Variants in WDR20 observed in about 807,000 individuals in gnomAD.
The protein encoded by WDR20 is WD repeat domain 20.
In WDR20, 3 loss-of-function variants were observed where a neutral mutation model predicts 38.7. That is an observed-to-expected ratio of 0.08 (90% CI 0.04 to 0.20). WDR20 has a LOEUF of 0.20. Ranked by LOEUF, WDR20 falls within the 10% of genes least tolerant of loss-of-function variation. WDR20 has a pLI of 1.00. For missense variants in WDR20, 559 were observed against 727.7 expected (o/e 0.77, Z 2.67); for synonymous variants, 298 against 285.6 (o/e 1.04, Z -0.44).
intron 1 of WDR20, among the ~76,000 whole-genome samples, chr14:102,154,894 T>C (rs1463883034): frequency 6.6e-6 from 1 of 152,198 alleles, no homozygotes; most frequent in South Asian, 2.1e-4. Flanking sequence ...GTTCCTACTT[T>C]ATGGAAGAAG....
chr14:102,224,036 G>GTTTTT (rs1184725386), downstream of WDR20, among the ~76,000 whole-genome samples: 1 of 139,442 alleles, frequency 7.2e-6, no homozygotes, highest in Non-Finnish European at 1.6e-5. Context: ...GTTTACCTGA[G>GTTTTT]ATTTTTTTTT....
intron 1 of WDR20, among the ~76,000 whole-genome samples, chr14:102,162,913 T>G (rs1279351887): frequency 6.6e-6 from 1 of 152,122 alleles, no homozygotes; most frequent in Admixed American, 6.6e-5. Context: ...TGCCAGGCCC[T>G]TAGATAATCT....
At position 102,200,467 on chromosome 14, in the gene WDR20, T is replaced by TTGTGTGTGTG. The variant is rs71395660; in HGVS notation, c.432+5379_432+5388dup. Among the ~76,000 whole-genome samples the TTGTGTGTGTG allele has an allele frequency of 1.4e-3, 162 of 117,748 alleles. 1 individual carries two copies. The highest frequency in any genetic ancestry group is 3.9e-3 in the African/African-American group (125 of 32,128). The allele number at this position is 117,748 out of a possible 152,430, so 77.2% of individuals were successfully genotyped here. On this transcript the variant is annotated intron_variant, in intron 2 of 2. Coordinates refer to ENST00000342702, the MANE Select transcript of WDR20 (RefSeq NM_144574.4). Reference sequence around the variant, plus strand: ...GAGTTTACTTTTTAAATTTTTTTTTTTGTGTGTGTGTGTGTGTGTGTGTGT... The same window carrying TTGTGTGTGTG: ...GAGTTTACTTTTTAAATTTTTTTTTTTGTGTGTGTGTGTGTGTGTGTGTGTGTGTGTGTGT...
At chr14:102,213,940 T>A, downstream of WDR20, 1 of 985,390 alleles carries the variant, frequency 1.0e-6, no homozygotes, top group Non-Finnish European at 1.2e-6. Flanking sequence ...ACCAGTGGAT[T>A]TTCTGGGGAA....
intron 1 of WDR20, among the ~76,000 whole-genome samples, chr14:102,192,315 G>A (rs556048914): frequency 1.1e-3 from 168 of 152,148 alleles, no homozygotes; most frequent in Admixed American, 1.8e-3. Flanking sequence ...GAGTAGCTGG[G>A]ACTACAGGTG....
intron 1 of WDR20, among the ~76,000 whole-genome samples, chr14:102,172,329 C>T (rs2061013815): frequency 6.6e-6 from 1 of 150,928 alleles, no homozygotes; most frequent in South Asian, 2.1e-4. Context: ...ACACAGCAAC[C>T]ATCCGATTTC....
downstream of WDR20, chr14:102,212,611 C>T: frequency 6.5e-7 from 1 of 1,535,686 alleles, no homozygotes; most frequent in Non-Finnish European, 8.7e-7. Context: ...GAAGAGGGCA[C>T]TGGAGAGAGG....
At position 102,222,769 on chromosome 14, in the gene WDR20, G is replaced by C. The variant is rs1270566642; in HGVS notation, c.1693-61G>C. 8.8e-6 allele frequency: 14 copies of C among 1,590,958 alleles called. No homozygotes were observed. The East Asian group carries it at 2.9e-4, about 33-fold the overall frequency. On this transcript the variant is annotated intron_variant, in intron 3 of 3. Coordinates refer to the WDR20 transcript ENST00000335263. This position sits in a 1 kb window ranked among gnomAD's most constrained non-coding sequence, Gnocchi z 4.4. ...ACGTGGAGCTGCTGGCGGAGGGCGC[G>C]CATGGTGGCTGTTGCCCGTCCGGTG... is the stretch of plus-strand genomic sequence containing the variant.
chr14:102,176,593 T>C (rs1405963658), intron 1 of WDR20, among the ~76,000 whole-genome samples: 1 of 152,156 alleles, frequency 6.6e-6, no homozygotes, highest in African/African-American at 2.4e-5. Context: ...GTCAGGGATA[T>C]TGGTCTGTAG....
intron 1 of WDR20, among the ~76,000 whole-genome samples, chr14:102,141,604 G>T (rs1054367419): frequency 1.3e-5 from 2 of 152,000 alleles, no homozygotes; most frequent in African/African-American, 4.8e-5. Context: ...CCTTGGATAA[G>T]TTATTTAACT....
Position 102,208,708 on chromosome 14 carries a change from G to C in WDR20, c.538G>C (p.Glu180Gln), listed in dbSNP as rs139803073. 1 of 1,614,054 alleles carries C rather than the reference G, an allele frequency of 6.2e-7. No homozygotes were observed. Among genetic ancestry groups the C allele is most frequent in the African/African-American group, 1.3e-5 (1 of 74,906 alleles). The change falls in exon 3 of 3, where the codon GAG becomes CAG. Residue 180 changes from glutamate to glutamine, a missense_variant. Transcript: ENST00000342702. The surrounding 1 kb of genome is among the most constrained non-coding windows in gnomAD (Gnocchi z 5.6). The part of the protein sequence containing the change: ...SSGNMYLYNV[E>Q]HTCGTTAPHY... ...TGGGAACATGTACTTATATAATGTG[G>C]AGCACACTTGTGGCACCACAGCCCC...
chr14:102,202,443 G>A (rs550262589), intron 2 of WDR20, among the ~76,000 whole-genome samples: 5 of 130,040 alleles, frequency 3.8e-5, no homozygotes, highest in African/African-American at 5.8e-5. Context: ...GCAGTGGTGC[G>A]ATCTCGGCTC....
intron 2 of WDR20, chr14:102,198,310 AT>A: frequency 3.0e-6 from 1 of 330,846 alleles, no homozygotes; most frequent in Non-Finnish European, 6.1e-6. Context: ...TAGAGACGGG[AT>A]TTCACCATGT....
downstream of WDR20, chr14:102,215,114 T>C (rs2063055197): frequency 3.9e-6 from 2 of 514,866 alleles, no homozygotes; most frequent in African/African-American, 2.1e-5. Flanking sequence ...TGTTAATGTT[T>C]ATAGAACAGC....
At chr14:102,194,274 C>A (rs1369150984) in intron 1 of WDR20, among the ~76,000 whole-genome samples, 1 of 152,176 alleles carries the variant, frequency 6.6e-6, no homozygotes, top group Non-Finnish European at 1.5e-5. Context: ...TTCCCCGAAA[C>A]CTAATCCAGA....
At chr14:102,181,373 C>G (rs1284491730) in intron 1 of WDR20, among the ~76,000 whole-genome samples, 1 of 152,144 alleles carries the variant, frequency 6.6e-6, no homozygotes, top group African/African-American at 2.4e-5. Flanking sequence ...GGTGTACTTA[C>G]AGTGAATGAG....
intron 1 of WDR20, among the ~76,000 whole-genome samples, chr14:102,148,687 G>C (rs1214783112): frequency 6.6e-6 from 1 of 151,278 alleles, no homozygotes; most frequent in Admixed American, 6.6e-5. Flanking sequence ...GTGTGTGTGT[G>C]TGTGTGTGTG....
intron 1 of WDR20, among the ~76,000 whole-genome samples, chr14:102,144,854 C>T (rs1202085127): frequency 3.9e-5 from 6 of 152,100 alleles, no homozygotes; most frequent in Non-Finnish European, 7.4e-5. Context: ...CATGTGCCAC[C>T]ATGCCCAGCT....
rs1246282449 is a variant in WDR20, at chr14:102,220,714, C to T, written c.1693-2116C>T. On this transcript the variant is annotated intron_variant, in intron 3 of 3. Transcript: ENST00000335263. This position sits in a 1 kb window ranked among gnomAD's most constrained non-coding sequence, Gnocchi z 4.2. ...CAGCCTGGACAACAAAGTGAGACTC[C>T]GTCTCAAAAAAAAAAAAAAAAAAGA... Among the ~76,000 whole-genome samples the T allele has an allele frequency of 4.0e-4, 34 of 85,276 alleles. No homozygotes were observed. The highest frequency in any genetic ancestry group is 1.5e-3 in the African/African-American group (30 of 20,200). The allele number at this position is 85,276 out of a possible 152,430, so 55.9% of individuals were successfully genotyped here.
Sources: allele counts gnomAD v4.1 joint callset (sites outside exome capture counted in the v4.1 genomes callset), GRCh38; gene constraint gnomAD v4.1.1; non-coding constraint Gnocchi (gnomAD v3.1); transcripts MANE v1.5; gene names NCBI Gene and HGNC (gene_info 2026-07-23, HGNC 2026-07-21).